Variants in FRMD3 observed in about 807,000 individuals in gnomAD.
FRMD3 encodes the protein FERM domain-containing protein 3.
A neutral mutation model predicts 70.2 loss-of-function variants in FRMD3; 33 were observed. The observed-to-expected ratio is 0.47, with a 90% CI of 0.36 to 0.63. The LOEUF (loss-of-function observed/expected upper bound fraction) is 0.63, where lower values mean the gene tolerates loss of function less well. FRMD3 is among the 20% of genes least tolerant of loss of function. The pLI is 0.00. For missense variants in FRMD3, 632 were observed against 711.4 expected (o/e 0.89, Z 1.27); for synonymous variants, 279 against 255.9 (o/e 1.09, Z -0.86).
chr9:83,356,452 A>G (rs1226520353), intron 3 of FRMD3, among the ~76,000 whole-genome samples: 7 of 151,298 alleles, frequency 4.6e-5, no homozygotes, highest in African/African-American at 7.3e-5. Context: ...ATTTTTTTGT[A>G]TTTTTAGTAG....
chr9:83,489,925 G>A (rs759823878), intron 1 of FRMD3, among the ~76,000 whole-genome samples: 2 of 152,138 alleles, frequency 1.3e-5, no homozygotes, highest in African/African-American at 4.8e-5. Flanking sequence ...CACTCAGTAG[G>A]CCAGGTCACT....
At chr9:83,436,630 A>T (rs1827142262) in intron 1 of FRMD3, among the ~76,000 whole-genome samples, 1 of 152,166 alleles carries the variant, frequency 6.6e-6, no homozygotes, top group African/African-American at 2.4e-5. Context: ...TATTGAAACC[A>T]GTTACTTCAC....
chr9:83,247,541 G>A lies in FRMD3; in HGVS notation c.*377C>T. ...ATTATATTCAACAACTTTCTCTTGA[G>A]TTGTTACTAAAATTCTGATTCTGAA... On this transcript the variant is annotated 3_prime_UTR_variant, in exon 14 of 14. Transcript: ENST00000304195. The A allele has an allele frequency of 1.0e-6, 1 of 996,308 alleles. No individual in the cohort carries two copies. The highest frequency in any genetic ancestry group is 1.2e-6 in the Non-Finnish European group (1 of 835,622). 61.7% of individuals were successfully genotyped at this position (996,308 alleles called of 1,614,324 possible).
At chr9:83,264,923 G>A (rs773230549) in intron 13 of FRMD3, among the ~76,000 whole-genome samples, 2 of 151,948 alleles carry the variant, frequency 1.3e-5, no homozygotes, top group African/African-American at 4.8e-5. Context: ...TGCCAATTTT[G>A]AAGGTCATAA....
At chr9:83,573,281 G>T in the FRMD3 span, among the ~76,000 whole-genome samples, 1 of 151,636 alleles carries the variant, frequency 6.6e-6, no homozygotes, top group Non-Finnish European at 1.5e-5. Context: ...TGGAGAAGGA[G>T]GAGAAATTAT....
At chr9:83,389,284 G>T (rs928533486) in intron 2 of FRMD3, among the ~76,000 whole-genome samples, 3 of 152,086 alleles carry the variant, frequency 2.0e-5, no homozygotes, top group East Asian at 3.9e-4. Flanking sequence ...TTGAGCAGGG[G>T]TGATATTCTC....
In FRMD3 at chr9:83,381,225, C is replaced by T. The variant is rs186150212; in HGVS notation, c.253-8270G>A. ...CATCAACAAACCTGTAGATCACGAA[C>T]GCTCAAAAATGTTTTTCCATTTGGA... On this transcript the variant is annotated intron_variant, in intron 2 of 13. Transcript: ENST00000304195. 2.7e-3 allele frequency among the ~76,000 whole-genome samples: 404 copies of T among 152,250 alleles called. 3 individuals carry two copies. Among genetic ancestry groups the T allele is most frequent in the African/African-American group, 9.0e-3 (372 of 41,538 alleles).
intron 1 of FRMD3, among the ~76,000 whole-genome samples, chr9:83,432,969 T>A (rs1827025472): frequency 6.6e-6 from 1 of 152,214 alleles, no homozygotes; most frequent in East Asian, 1.9e-4. Flanking sequence ...AGCTTCCACT[T>A]ATAAGTGAGA....
downstream of FRMD3, among the ~76,000 whole-genome samples, chr9:83,243,967 A>T (rs1463956093): frequency 6.6e-6 from 1 of 152,076 alleles, no homozygotes. Context: ...CCTCTACTGA[A>T]AATACAAAAA....
rs1476760926 is a variant in FRMD3, at chr9:83,402,822, A to G, written c.148-13114T>C. ...GGTCTAAACCACAGTAACACTCCCC[A>G]AAAGCTCTTTAGCCAATTCAAATTT... On this transcript the variant is annotated intron_variant, in intron 1 of 13. Transcript: ENST00000304195. Among the ~76,000 whole-genome samples, 4 of 151,826 alleles carry G rather than the reference A, an allele frequency of 2.6e-5. No individual in the cohort carries two copies. The East Asian group carries it at 7.7e-4, about 29-fold the overall frequency.
chr9:83,486,116 A>T (rs1289448568), intron 1 of FRMD3, among the ~76,000 whole-genome samples: 1 of 152,098 alleles, frequency 6.6e-6, no homozygotes, highest in East Asian at 1.9e-4. Flanking sequence ...GCTCAAGAAC[A>T]TATTTATTTA....
At chr9:83,427,119 A>G (rs1826833708) in intron 1 of FRMD3, among the ~76,000 whole-genome samples, 1 of 152,202 alleles carries the variant, frequency 6.6e-6, no homozygotes, top group East Asian at 1.9e-4. Context: ...TACCTGGAGC[A>G]TTTGTTCAAA....
At chr9:83,300,930 T>C (rs2131016028) in intron 10 of FRMD3, among the ~76,000 whole-genome samples, 1 of 152,256 alleles carries the variant, frequency 6.6e-6, no homozygotes, top group South Asian at 2.1e-4. Flanking sequence ...TGGAAAGCCA[T>C]AGGAACAATC....
chr9:83,384,455 C>T (rs1179959181), intron 2 of FRMD3, among the ~76,000 whole-genome samples: 2 of 152,200 alleles, frequency 1.3e-5, no homozygotes, highest in African/African-American at 2.4e-5. Flanking sequence ...TTCCATTCCA[C>T]GTCCTCCCCA....
chr9:83,298,933 A>C, intron 11 of FRMD3, 117 bp from the exon 12 acceptor site: 1 of 1,109,716 alleles, frequency 9.0e-7, no homozygotes, highest in Non-Finnish European at 1.4e-6. Context: ...AGAAATCATG[A>C]GGGGGAAAAT....
chr9:83,481,530 C>T lies in FRMD3; in HGVS notation c.147+56555G>A, dbSNP rs569866446. Among the ~76,000 whole-genome samples the T allele has an allele frequency of 4.6e-4, 70 of 152,240 alleles. 1 individual carries two copies. The South Asian group carries it at 0.013, about 29-fold the overall frequency. ...CATGAAAGAACGATTAACATATGAT[C>T]ATATAAACTACATTTTAAAAAATAT... On this transcript the variant is annotated intron_variant, in intron 1 of 13. Coordinates refer to ENST00000304195, the MANE Select transcript of FRMD3 (RefSeq NM_174938.6).
rs772532656 is a variant in FRMD3 at position 83,309,575 on chromosome 9, T to C, written c.887A>G (p.His296Arg). 1.2e-6 allele frequency: 2 copies of C among 1,600,318 alleles called. No individual in the cohort carries two copies. The highest frequency in any genetic ancestry group is 1.7e-6 in the Non-Finnish European group (2 of 1,173,648). ...FHTSTPAACKHLWKCGVENQA... is the reference protein window; with the variant it reads ...FHTSTPAACKRLWKCGVENQA... Reference sequence around the variant, plus strand: ...GTTTTCCACTCCACACTTCCAAAGATGTTTGCAGGCAGCTGGTGTTGAAGT... The same window carrying C: ...GTTTTCCACTCCACACTTCCAAAGACGTTTGCAGGCAGCTGGTGTTGAAGT... Residue 296 changes from histidine (H) to arginine (R), a missense_variant, in exon 10 of 14, where the codon CAT becomes CGT. Transcript: ENST00000304195.
chr9:83,473,344 T>C (rs1828315464), intron 1 of FRMD3, among the ~76,000 whole-genome samples: 1 of 152,190 alleles, frequency 6.6e-6, no homozygotes. Flanking sequence ...CACAGAATCA[T>C]TCCACATGAC....
intron 11 of FRMD3, 96 bp from the exon 12 acceptor site, chr9:83,298,912 G>A (rs1339029648): frequency 2.4e-6 from 3 of 1,244,874 alleles, no homozygotes; most frequent in Non-Finnish European, 3.5e-6. Flanking sequence ...ACAGGTGTCT[G>A]ACCCAGCTAT....
Sources: allele counts gnomAD v4.1 joint callset (sites outside exome capture counted in the v4.1 genomes callset), GRCh38; gene constraint gnomAD v4.1.1; transcripts MANE v1.5; gene names NCBI Gene and HGNC (gene_info 2026-07-23, HGNC 2026-07-21).